ITGA2: variants seen among roughly 807,000 people sequenced by gnomAD.
ITGA2 encodes integrin alpha-2.
A neutral mutation model predicts 146.3 loss-of-function variants in ITGA2; 101 were observed. That is an observed-to-expected ratio of 0.69 (90% CI 0.59 to 0.81). The LOEUF is 0.81. Ranked by LOEUF, ITGA2 falls within the 40% of genes least tolerant of loss-of-function variation. The probability of loss-of-function intolerance (pLI) is 0.00; values close to 1 mark genes in which losing one functional copy is unlikely to be tolerated. For synonymous variants in ITGA2, 477 were observed against 487.1 expected, an observed-to-expected ratio of 0.98 and a Z score of 0.27; for missense variants, 1,281 against 1,402.7, an observed-to-expected ratio of 0.91 and a Z score of 1.39.
chr5:53,054,651 A>T (rs917268392), intron 7 of ITGA2, among the ~76,000 whole-genome samples: 1 of 152,166 alleles, frequency 6.6e-6, no homozygotes, highest in African/African-American at 2.4e-5. Flanking sequence ...TTAAAAAAAG[A>T]ATGAGACCTT....
At chr5:53,046,659 T>C (rs922166938) in intron 4 of ITGA2, among the ~76,000 whole-genome samples, 1 of 151,454 alleles carries the variant, frequency 6.6e-6, no homozygotes, top group Non-Finnish European at 1.5e-5. Flanking sequence ...AGAGATTAAT[T>C]AGCAGTCCAG....
At chr5:53,047,203 A>C (rs1052204689) in intron 4 of ITGA2, among the ~76,000 whole-genome samples, 7 of 152,190 alleles carry the variant, frequency 4.6e-5, no homozygotes, top group Admixed American at 3.9e-4. Flanking sequence ...TACTTCTTGC[A>C]AGCCCATACT....
chr5:53,061,343 C>T (rs1473194168), intron 12 of ITGA2, among the ~76,000 whole-genome samples: 1 of 151,870 alleles, frequency 6.6e-6, no homozygotes, highest in Non-Finnish European at 1.5e-5. Context: ...TGAATGATTA[C>T]ATCCCCTTCA....
chr5:53,033,042 C>T (rs1449830872), intron 2 of ITGA2, among the ~76,000 whole-genome samples: 5 of 152,034 alleles, frequency 3.3e-5, no homozygotes, highest in Admixed American at 6.6e-5. Flanking sequence ...CCAAGGCGGG[C>T]GGATCACTTG....
intron 10 of ITGA2, 100 bp from the exon 11 acceptor site, chr5:53,059,774 T>A (rs1419912460): frequency 4.6e-6 from 5 of 1,076,532 alleles, no homozygotes; most frequent in Non-Finnish European, 5.6e-6. Flanking sequence ...TCATCATTTT[T>A]AATAAATCTA....
At position 53,073,118 on chromosome 5, in the gene ITGA2, A is replaced by G; in HGVS notation, c.2430A>G (p.Gln810=). Residue 810 remains glutamine (Q), a splice_region_variant and synonymous_variant, in exon 20 of 30, where the codon CAA becomes CAG. Transcript: ENST00000296585. Reference sequence around the variant, plus strand: ...CCCCCCTCCTTTTTACTTTTAACAGAGAACAACCCTTTATTGTCAGCAACC... The same window carrying G: ...CCCCCCTCCTTTTTACTTTTAACAGGGAACAACCCTTTATTGTCAGCAACC... ...VLDVRQIPAA[Q]EQPFIVSNQN... 1 of 1,611,882 alleles carries G rather than the reference A, an allele frequency of 6.2e-7. No individual in the cohort carries two copies. The highest frequency in any genetic ancestry group is 1.1e-5 in the South Asian group (1 of 91,038).
At chr5:53,046,780 T>G (rs1177737504) in intron 4 of ITGA2, among the ~76,000 whole-genome samples, 1 of 152,124 alleles carries the variant, frequency 6.6e-6, no homozygotes, top group Non-Finnish European at 1.5e-5. Context: ...CTCTTAAGAA[T>G]TATGTGGAAA....
Position 53,051,570 on chromosome 5 carries a change from G to A in ITGA2, c.779+11G>A, listed in dbSNP as rs757990775. ...AATTCAATATGCAAGGTAAGTTTTG[G>A]TGCTAATAGGCCAATGTTTTCATAA... On this transcript the variant is annotated intron_variant, in intron 7 of 29. Coordinates refer to ENST00000296585, the MANE Select transcript of ITGA2 (RefSeq NM_002203.4). 1 of 1,611,700 alleles carries A rather than the reference G, an allele frequency of 6.2e-7. No homozygotes were observed. Among genetic ancestry groups the A allele is most frequent in the Non-Finnish European group, 8.5e-7 (1 of 1,178,136 alleles).
chr5:53,022,220 G>GC (rs1181279742), intron 1 of ITGA2, among the ~76,000 whole-genome samples: 1 of 30,854 alleles, frequency 3.2e-5, no homozygotes, highest in Non-Finnish European at 7.9e-5. Flanking sequence ...TTTTTTTTTT[G>GC]GGGGACAGGG....
chr5:53,008,288 A>C (rs900114772), intron 1 of ITGA2, among the ~76,000 whole-genome samples: 1 of 149,824 alleles, frequency 6.7e-6, no homozygotes, highest in Non-Finnish European at 1.5e-5. Flanking sequence ...GTACTGAGAG[A>C]GAAAGATCTC....
chr5:53,013,805 T>C (rs1281010613), intron 1 of ITGA2, among the ~76,000 whole-genome samples: 4 of 152,080 alleles, frequency 2.6e-5, no homozygotes, highest in Non-Finnish European at 5.9e-5. Context: ...TCAGTCTCTG[T>C]AGAGATCTTT....
At position 53,093,280 on chromosome 5, in the gene ITGA2, C is replaced by T. The variant is rs1415862577; in HGVS notation, c.*2681C>T. 1.3e-5 allele frequency: 2 copies of T among 152,142 alleles called. No individual in the cohort carries two copies. The highest frequency in any genetic ancestry group is 4.8e-5 in the African/African-American group (2 of 41,414). 9.4% of individuals were successfully genotyped at this position (152,142 alleles called of 1,614,324 possible). A position where few individuals can be genotyped will look rare whatever the true frequency, so the allele number is the denominator to read the frequency against. On this transcript the variant is annotated 3_prime_UTR_variant, in exon 30 of 30. Coordinates refer to ENST00000296585, the MANE Select transcript of ITGA2 (RefSeq NM_002203.4). Reference sequence around the variant, plus strand: ...ACGGAACTTGAAAGCTTTGGTTAGCCTTGCCTTAGGTAATCAGCCTAGTTT... The same window carrying T: ...ACGGAACTTGAAAGCTTTGGTTAGCTTTGCCTTAGGTAATCAGCCTAGTTT...
At chr5:53,034,434 AG>A (rs1404004088) in intron 2 of ITGA2, among the ~76,000 whole-genome samples, 1 of 151,988 alleles carries the variant, frequency 6.6e-6, no homozygotes, top group East Asian at 1.9e-4. Flanking sequence ...TATAGTAGGA[AG>A]GACACTTTAA....
intron 1 of ITGA2, among the ~76,000 whole-genome samples, chr5:52,998,900 A>C (rs1032505511): frequency 9.9e-5 from 15 of 152,236 alleles, no homozygotes; most frequent in Non-Finnish European, 8.8e-5. Flanking sequence ...ACTTCTTTCC[A>C]ATTAGTATAT....
intron 3 of ITGA2, 80 bp downstream of exon 3, chr5:53,042,301 G>C: frequency 1.0e-6 from 1 of 959,528 alleles, no homozygotes; most frequent in Non-Finnish European, 1.7e-6. Flanking sequence ...TCATTGTTCT[G>C]TCTTAAAGAA....
intron 2 of ITGA2, among the ~76,000 whole-genome samples, 196 bp from the exon 3 acceptor site, chr5:53,041,916 G>A (rs1328487660): frequency 6.6e-6 from 1 of 152,114 alleles, no homozygotes; most frequent in East Asian, 1.9e-4. Context: ...AGGGTGTGTG[G>A]CAATGCAGCA....
chr5:53,078,900 C>A (rs1014496068), intron 24 of ITGA2, 26 bp downstream of exon 24: 1 of 1,257,172 alleles, frequency 8.0e-7, no homozygotes, highest in Non-Finnish European at 1.2e-6. Flanking sequence ...ATAAGGATGG[C>A]AAATCCAGGA....
intron 1 of ITGA2, among the ~76,000 whole-genome samples, chr5:53,019,362 G>A (rs1437402920): frequency 6.6e-6 from 1 of 152,150 alleles, no homozygotes; most frequent in African/African-American, 2.4e-5. Flanking sequence ...TTAAAATTGT[G>A]TATCGTTCCG....
chr5:52,994,229 G>C (rs1741111996), intron 1 of ITGA2, among the ~76,000 whole-genome samples: 1 of 152,224 alleles, frequency 6.6e-6, no homozygotes. Flanking sequence ...ACATGGCTGA[G>C]AGAGGTTGGA....
Sources: allele counts gnomAD v4.1 joint callset (sites outside exome capture counted in the v4.1 genomes callset), GRCh38; gene constraint gnomAD v4.1.1; transcripts MANE v1.5; gene names NCBI Gene and HGNC (gene_info 2026-07-23, HGNC 2026-07-21).